Variants in CPNE8 observed in about 807,000 individuals in gnomAD.
CPNE8 encodes copine 8, also known as copine-8.
Under a neutral mutation model 81.5 loss-of-function variants are expected in CPNE8, and 45 were observed. That is an observed-to-expected ratio of 0.55 (90% CI 0.44 to 0.71). CPNE8 has a LOEUF of 0.71. Ranked by LOEUF, CPNE8 falls within the 30% of genes least tolerant of loss-of-function variation. The pLI is 0.00. For missense variants in CPNE8, 594 were observed against 672.1 expected (o/e 0.88, Z 1.28); for synonymous variants, 252 against 226.3 (o/e 1.11, Z -1.02).
chr12:38,886,057 G>A (rs1944232946), intron 1 of CPNE8, among the ~76,000 whole-genome samples: 1 of 152,118 alleles, frequency 6.6e-6, no homozygotes, highest in South Asian at 2.1e-4. Flanking sequence ...TTTACAGCAA[G>A]GGGAGAACAG....
chr12:38,843,244 T>C (rs1019083397), intron 4 of CPNE8, among the ~76,000 whole-genome samples: 1 of 152,150 alleles, frequency 6.6e-6, no homozygotes, highest in African/African-American at 2.4e-5. Flanking sequence ...GTAACAGATA[T>C]TGATGGAAAT....
At chr12:38,756,241 G>A (rs1941456610) in intron 10 of CPNE8, among the ~76,000 whole-genome samples, 1 of 151,884 alleles carries the variant, frequency 6.6e-6, no homozygotes, top group African/African-American at 2.4e-5. Flanking sequence ...TGACACAAGA[G>A]GACACCAGTC....
At chr12:38,772,309 T>G (rs1941819464) in intron 7 of CPNE8, among the ~76,000 whole-genome samples, 1 of 152,144 alleles carries the variant, frequency 6.6e-6, no homozygotes, top group South Asian at 2.1e-4. Flanking sequence ...ATTCTTTTAT[T>G]GCAACACAAA....
chr12:38,694,561 A>C (rs958588), intron 14 of CPNE8, among the ~76,000 whole-genome samples: 1 of 152,102 alleles, frequency 6.6e-6, no homozygotes, highest in Non-Finnish European at 1.5e-5. Context: ...TGCAGTTATT[A>C]TAGTCTGGGT....
intron 7 of CPNE8, among the ~76,000 whole-genome samples, chr12:38,772,421 T>TA (rs1337677035): frequency 1.3e-5 from 2 of 151,618 alleles, no homozygotes; most frequent in African/African-American, 4.8e-5. Context: ...TAAATAAAAA[T>TA]AAAAAATAGA....
chr12:38,879,166 G>T (rs1286940401), intron 1 of CPNE8, among the ~76,000 whole-genome samples: 4 of 152,138 alleles, frequency 2.6e-5, no homozygotes, highest in African/African-American at 9.7e-5. Context: ...CCTGTGCACT[G>T]GGAATGCACA....
chr12:38,902,173 G>T (rs1944473048), intron 1 of CPNE8, among the ~76,000 whole-genome samples: 1 of 125,946 alleles, frequency 7.9e-6, no homozygotes, highest in South Asian at 2.5e-4. Context: ...GAAAAGGAAA[G>T]GAAAGAGAAA....
chr12:38,901,792 G>A (rs557942163), intron 1 of CPNE8, among the ~76,000 whole-genome samples: 195 of 152,132 alleles, frequency 1.3e-3, no homozygotes, highest in African/African-American at 3.5e-3. Flanking sequence ...CTCTGCCCAA[G>A]CCCCATCTCT....
intron 6 of CPNE8, among the ~76,000 whole-genome samples, chr12:38,795,703 C>A (rs573547827): frequency 1.3e-5 from 2 of 151,784 alleles, no homozygotes; most frequent in African/African-American, 2.4e-5. Context: ...TGGTAATTAC[C>A]GGCAGCTAGA....
intron 6 of CPNE8, among the ~76,000 whole-genome samples, chr12:38,808,397 A>G (rs1192316410): frequency 2.0e-5 from 3 of 152,104 alleles, no homozygotes; most frequent in South Asian, 2.1e-4. Context: ...AATGTGGCAC[A>G]TATACACCAT....
At position 38,679,469 on chromosome 12, in the gene CPNE8, AT is replaced by A. The variant is rs780415876; in HGVS notation, c.1272-1916del. 70 of 441,034 alleles carry A rather than the reference AT, an allele frequency of 1.6e-4. 1 individual carries two copies. Among genetic ancestry groups the A allele is most frequent in the Non-Finnish European group, 5.4e-5 (18 of 332,912 alleles). The allele number at this position is 441,034 out of a possible 1,614,324, so 27.3% of individuals were successfully genotyped here. A position where few individuals can be genotyped will look rare whatever the true frequency, so the allele number is the denominator to read the frequency against. ...TTATGATAAATACATGCTTGTATTA[AT>A]ATTTTATATCTCTTCACTTTGAAAA... On this transcript the variant is annotated intron_variant, in intron 16 of 19. Coordinates refer to ENST00000331366, the MANE Select transcript of CPNE8 (RefSeq NM_153634.3).
At chr12:38,877,899 A>G (rs1209910752) in intron 1 of CPNE8, among the ~76,000 whole-genome samples, 1 of 152,188 alleles carries the variant, frequency 6.6e-6, no homozygotes, top group East Asian at 1.9e-4. Context: ...CCTTAGTCAC[A>G]GTATAAGGAG....
intron 6 of CPNE8, among the ~76,000 whole-genome samples, chr12:38,805,754 CA>C (rs983735606): frequency 6.9e-6 from 1 of 144,598 alleles, no homozygotes; most frequent in African/African-American, 2.5e-5. Context: ...TAACTAAGAT[CA>C]GAGCAGAACT....
At chr12:38,794,486 G>A (rs1942406940) in intron 6 of CPNE8, among the ~76,000 whole-genome samples, 1 of 152,048 alleles carries the variant, frequency 6.6e-6, no homozygotes, top group African/African-American at 2.4e-5. Flanking sequence ...ATTTAAAAAT[G>A]AGCATGGCAC....
chr12:38,702,975 G>A, intron 13 of CPNE8, 54 bp from the exon 14 acceptor site: 1 of 1,215,232 alleles, frequency 8.2e-7, no homozygotes, highest in Non-Finnish European at 1.2e-6. Flanking sequence ...GATAAAAGGA[G>A]TTTCTTTTCC....
chr12:38,714,651 A>T (rs1940343278), intron 13 of CPNE8, among the ~76,000 whole-genome samples: 1 of 152,068 alleles, frequency 6.6e-6, no homozygotes, highest in African/African-American at 2.4e-5. Context: ...AAGATCTAAA[A>T]ATTAGGTTTG....
intron 6 of CPNE8, among the ~76,000 whole-genome samples, chr12:38,791,859 A>G (rs1942331154): frequency 6.6e-6 from 1 of 151,634 alleles, no homozygotes; most frequent in South Asian, 2.1e-4. Context: ...TAACAAATTC[A>G]CAAAGCTTGA....
chr12:38,809,631 C>A (rs1315410471), intron 6 of CPNE8, among the ~76,000 whole-genome samples: 2 of 152,120 alleles, frequency 1.3e-5, no homozygotes, highest in Non-Finnish European at 2.9e-5. Context: ...GATCCATGGT[C>A]CTCCCATATA....
intron 6 of CPNE8, among the ~76,000 whole-genome samples, chr12:38,803,494 G>A (rs934592996): frequency 6.7e-6 from 1 of 149,848 alleles, no homozygotes; most frequent in African/African-American, 2.4e-5. Context: ...ATTAGGTATT[G>A]ATGGGACGTA....
Sources: gnomAD v4.1 joint callset for allele counts (sites outside exome capture counted in the v4.1 genomes callset) on GRCh38, gnomAD v4.1.1 for gene constraint, MANE v1.5 for transcripts, NCBI Gene and HGNC (gene_info 2026-07-23, HGNC 2026-07-21) for gene names.